SLC25A21: variants seen among roughly 807,000 people sequenced by gnomAD.
SLC25A21 encodes the protein solute carrier family 25 member 21.
In SLC25A21, 47 loss-of-function variants were observed where a neutral mutation model predicts 43.8. That is an observed-to-expected ratio of 1.07 (90% CI 0.85 to 1.37). SLC25A21 has a LOEUF of 1.37. SLC25A21 is among the 40% of genes most tolerant of loss of function. The pLI is 0.00. For synonymous variants in SLC25A21, 131 were observed against 121.3 expected, an observed-to-expected ratio of 1.08 and a Z score of -0.52; for missense variants, 352 against 350.2, an observed-to-expected ratio of 1.00 and a Z score of -0.04.
At chr14:37,030,229 T>C (rs1165430293) in intron 1 of SLC25A21, among the ~76,000 whole-genome samples, 1 of 152,198 alleles carries the variant, frequency 6.6e-6, no homozygotes, top group Non-Finnish European at 1.5e-5. Flanking sequence ...TAAAGGTCTT[T>C]ATCTTCATCA....
At chr14:37,051,522 C>A (rs1264963169) in intron 1 of SLC25A21, among the ~76,000 whole-genome samples, 1 of 152,142 alleles carries the variant, frequency 6.6e-6, no homozygotes, top group Non-Finnish European at 1.5e-5. Context: ...CTTACCTATT[C>A]AATCAGAATA....
intron 1 of SLC25A21, among the ~76,000 whole-genome samples, chr14:36,947,071 T>A (rs1466484773): frequency 6.6e-6 from 1 of 152,222 alleles, no homozygotes; most frequent in Non-Finnish European, 1.5e-5. Flanking sequence ...ACTACTTTAC[T>A]CTTTGGCGGT....
Position 36,749,408 on chromosome 14 carries a change from T to C in SLC25A21, c.204-14835A>G, listed in dbSNP as rs1279732939. Among the ~76,000 whole-genome samples the C allele has an allele frequency of 3.3e-5, 5 of 152,294 alleles. No homozygotes were observed. The South Asian group carries it at 8.3e-4, about 25-fold the overall frequency. On this transcript the variant is annotated intron_variant, in intron 3 of 9. Transcript: ENST00000331299. ...ACTATCCTGGTGTAAGCCCTGATCA[T>C]ATCTTACTCTAAACATTGCAATAGT... is the stretch of plus-strand genomic sequence containing the variant.
At chr14:36,980,009 A>G (rs917652065) in intron 1 of SLC25A21, among the ~76,000 whole-genome samples, 33 of 152,202 alleles carry the variant, frequency 2.2e-4, no homozygotes, top group South Asian at 6.2e-4. Context: ...CAGTGCTTCA[A>G]TGATAGTAGT....
At chr14:36,836,591 C>T (rs768947526) in intron 2 of SLC25A21, among the ~76,000 whole-genome samples, 124 of 152,240 alleles carry the variant, frequency 8.1e-4, no homozygotes, top group South Asian at 1.5e-3. Flanking sequence ...GAGTGTTGAT[C>T]TCTGGGCTCT....
At chr14:36,729,946 T>C (rs1884754980) in intron 4 of SLC25A21, among the ~76,000 whole-genome samples, 1 of 152,212 alleles carries the variant, frequency 6.6e-6, no homozygotes, top group South Asian at 2.1e-4. Flanking sequence ...GCTTTCCCAG[T>C]GAAAGCCCAA....
chr14:36,889,511 G>C (rs1351607562), intron 1 of SLC25A21, among the ~76,000 whole-genome samples: 2 of 152,116 alleles, frequency 1.3e-5, no homozygotes, highest in African/African-American at 4.8e-5. Flanking sequence ...GTTAGAGACA[G>C]GGTCTTATTC....
chr14:37,128,479 T>A (rs1004422132), intron 1 of SLC25A21, among the ~76,000 whole-genome samples: 10 of 151,924 alleles, frequency 6.6e-5, no homozygotes, highest in African/African-American at 2.2e-4. Flanking sequence ...TAAATACAAG[T>A]CAATATGACC....
intron 3 of SLC25A21, among the ~76,000 whole-genome samples, chr14:36,735,812 CTTTT>C (rs58500416): frequency 1.4e-4 from 19 of 131,638 alleles, no homozygotes; most frequent in South Asian, 2.5e-4. Flanking sequence ...TCCCAGAATC[CTTTT>C]TTTTTTTTTT....
At chr14:36,983,706 T>C (rs1367124188) in intron 1 of SLC25A21, among the ~76,000 whole-genome samples, 1 of 152,178 alleles carries the variant, frequency 6.6e-6, no homozygotes, top group Non-Finnish European at 1.5e-5. Flanking sequence ...TGCACCACTA[T>C]TCACAATACC....
At chr14:36,787,719 G>A (rs1230840431) in intron 3 of SLC25A21, among the ~76,000 whole-genome samples, 2 of 152,144 alleles carry the variant, frequency 1.3e-5, no homozygotes, top group African/African-American at 4.8e-5. Context: ...ATAATAAGGA[G>A]TCTTTAAAAA....
intron 1 of SLC25A21, among the ~76,000 whole-genome samples, chr14:37,041,564 G>A (rs1299633111): frequency 6.6e-6 from 1 of 152,118 alleles, no homozygotes; most frequent in African/African-American, 2.4e-5. Context: ...ACATAGATGT[G>A]ATCTATTTCT....
chr14:36,737,749 T>C (rs1280225211), intron 3 of SLC25A21, among the ~76,000 whole-genome samples: 1 of 152,106 alleles, frequency 6.6e-6, no homozygotes. Context: ...AAAACTAGGA[T>C]TTCATTGGCA....
At chr14:36,734,898 A>G (rs1884972597) in intron 3 of SLC25A21, among the ~76,000 whole-genome samples, 1 of 152,186 alleles carries the variant, frequency 6.6e-6, no homozygotes, top group East Asian at 1.9e-4. Context: ...GGTAGCTTCA[A>G]GCTATCTACA....
chr14:37,146,940 T>C (rs1963676418), intron 1 of SLC25A21, among the ~76,000 whole-genome samples: 1 of 152,224 alleles, frequency 6.6e-6, no homozygotes, highest in East Asian at 1.9e-4. Context: ...TAATGATCAC[T>C]ACAGCTCCCA....
At chr14:37,026,772 G>C (rs2138761952) in intron 1 of SLC25A21, among the ~76,000 whole-genome samples, 1 of 152,266 alleles carries the variant, frequency 6.6e-6, no homozygotes, top group Non-Finnish European at 1.5e-5. Context: ...AAACCTGGAA[G>C]AGATGCAGTT....
chr14:36,871,568 G>C (rs1214733022), intron 2 of SLC25A21, among the ~76,000 whole-genome samples: 1 of 152,160 alleles, frequency 6.6e-6, no homozygotes, highest in Non-Finnish European at 1.5e-5. Flanking sequence ...AAGGCTTGGA[G>C]TATTATTTGA....
chr14:36,814,715 TTGG>T (rs1401848212), intron 2 of SLC25A21, among the ~76,000 whole-genome samples: 3 of 152,174 alleles, frequency 2.0e-5, no homozygotes, highest in Non-Finnish European at 4.4e-5. Flanking sequence ...TTTTACACTG[TTGG>T]TGGGAGTGTA....
At chr14:36,851,715 G>GT (rs1889742290) in intron 2 of SLC25A21, among the ~76,000 whole-genome samples, 4 of 152,184 alleles carry the variant, frequency 2.6e-5, no homozygotes, top group South Asian at 4.1e-4. Flanking sequence ...TGGGTCTCCT[G>GT]TTTTTTTGTT....
Sources: gnomAD v4.1 joint callset for allele counts (sites outside exome capture counted in the v4.1 genomes callset) on GRCh38, gnomAD v4.1.1 for gene constraint, MANE v1.5 for transcripts, NCBI Gene and HGNC (gene_info 2026-07-23, HGNC 2026-07-21) for gene names.